The following NBEA variants were observed in gnomAD, a reference collection of about 807,000 sequenced individuals.
NBEA encodes lysosomal-trafficking regulator 2.
In NBEA, 44 loss-of-function variants were observed where a neutral mutation model predicts 343.4. That is an observed-to-expected ratio of 0.13 (90% confidence interval 0.10 to 0.16). The LOEUF is 0.16. Among genes scored for constraint, NBEA ranks in the 10% least tolerant of loss-of-function variants. The pLI, the probability that NBEA is intolerant of heterozygous loss-of-function variation, is 1.00. For missense variants in NBEA, 2,555 were observed against 3,631.3 expected, an observed-to-expected ratio of 0.70 and a Z score of 7.62; for synonymous variants, 1,175 against 1,238.7, an observed-to-expected ratio of 0.95 and a Z score of 1.08.
At chr13:35,369,575 G>A (rs2041315065) in intron 38 of NBEA, among the ~76,000 whole-genome samples, 1 of 151,754 alleles carries the variant, frequency 6.6e-6, no homozygotes, top group African/African-American at 2.4e-5. Context: ...TCAATGTTTT[G>A]TAGTTTTCCT....
At chr13:35,064,006 GT>G (rs1038349978) in intron 8 of NBEA, among the ~76,000 whole-genome samples, 13 of 151,954 alleles carry the variant, frequency 8.6e-5, no homozygotes, top group African/African-American at 3.1e-4. Context: ...AAAGAAATAA[GT>G]TTTGGCAGAG....
chr13:34,979,236 T>G (rs1322008370), intron 1 of NBEA, among the ~76,000 whole-genome samples: 1 of 151,892 alleles, frequency 6.6e-6, no homozygotes, highest in Non-Finnish European at 1.5e-5. Context: ...CATTTAAAAA[T>G]TTTCCCCTGG....
chr13:35,317,168 G>C (rs148263614), intron 36 of NBEA, among the ~76,000 whole-genome samples: 5,360 of 152,218 alleles, frequency 0.035, 140 homozygotes, highest in Non-Finnish European at 0.054. Context: ...TGGTGTTTTA[G>C]TCGTGAAGTC....
intron 45 of NBEA, among the ~76,000 whole-genome samples, chr13:35,572,339 C>T (rs1027436129): frequency 1.3e-5 from 2 of 152,126 alleles, no homozygotes; most frequent in African/African-American, 4.8e-5. Flanking sequence ...TTTCCTATTT[C>T]CCAGTCATGC....
chr13:35,391,802 A>G (rs149811880), intron 38 of NBEA, among the ~76,000 whole-genome samples: 4 of 152,198 alleles, frequency 2.6e-5, no homozygotes, highest in African/African-American at 9.6e-5. Flanking sequence ...ATTGAAAACT[A>G]TCTCTGGCAT....
intron 41 of NBEA, among the ~76,000 whole-genome samples, chr13:35,478,334 CA>C (rs777855679): frequency 5.6e-4 from 85 of 152,284 alleles, no homozygotes; most frequent in Middle Eastern, 6.8e-3. Context: ...TGGGAACACC[CA>C]AAAAACCCCT....
Position 35,670,968 on chromosome 13 carries a change from T to C in NBEA, c.8881T>C (p.Tyr2961His). The C allele has an allele frequency of 1.3e-6, 2 of 1,583,654 alleles. No homozygotes were observed. The highest frequency in any genetic ancestry group is 1.2e-5 in the South Asian group (1 of 86,402). Reference protein sequence around the residue: ...AFNIDFNRWHYEHQNRY With the variant: ...AFNIDFNRWHHEHQNRY ...TAATATAGATTTTAATCGGTGGCAT[T>C]ATGAGCATCAGAACAGATACTGAAG... The change falls in exon 59 of 59, where the codon TAT becomes CAT. Residue 2961 changes from tyrosine to histidine, a missense_variant. Around this residue, in one of 21 missense-constraint regions of NBEA, gnomAD observed 186 missense variants for 328.9 expected, o/e 0.57. Coordinates refer to ENST00000379939, the MANE Select transcript of NBEA (RefSeq NM_001385012.1).
chr13:35,554,717 G>A (rs894331700), intron 43 of NBEA, among the ~76,000 whole-genome samples: 10 of 152,024 alleles, frequency 6.6e-5, no homozygotes, highest in Non-Finnish European at 1.5e-4. Context: ...TTTTTTTCTT[G>A]TGGATTTGTG....
At position 35,164,429 on chromosome 13, in the gene NBEA, C is replaced by T. The variant is rs756898643; in HGVS notation, c.4153C>T (p.Leu1385Phe). 6.2e-7 allele frequency: 1 copy of T among 1,606,534 alleles called. No individual in the cohort carries two copies. Among genetic ancestry groups the T allele is most frequent in the African/African-American group, 1.3e-5 (1 of 74,950 alleles). The change falls in exon 24 of 59, where the codon CTC (leucine) becomes TTC (phenylalanine). Residue 1385 changes from leucine (L) to phenylalanine (F), a missense_variant. This residue lies in a region of NBEA where 69 missense variants were observed against 128.8 expected (regional missense o/e 0.54). Transcript: ENST00000379939. The stretch of plus-strand genomic sequence containing the variant: ...TATTTTTGTACATAACACAATTCAC[C>T]TCATTTCCCAAATGGTAGACAACAT... ...NIIFVHNTIH[L>F]ISQMVDNIII...
intron 34 of NBEA, among the ~76,000 whole-genome samples, chr13:35,263,001 C>G (rs927481404): frequency 2.6e-4 from 40 of 152,202 alleles, no homozygotes; most frequent in Non-Finnish European, 3.2e-4. Context: ...ACTTAAGGAA[C>G]CCTGAATAAC....
chr13:35,364,102 A>T (rs1051345791), intron 38 of NBEA, among the ~76,000 whole-genome samples: 3 of 151,954 alleles, frequency 2.0e-5, no homozygotes, highest in African/African-American at 7.2e-5. Flanking sequence ...CTACTTGTGC[A>T]TGTGATAACC....
intron 31 of NBEA, among the ~76,000 whole-genome samples, chr13:35,207,437 T>C (rs538618902): frequency 1.4e-4 from 22 of 152,118 alleles, no homozygotes; most frequent in Admixed American, 5.2e-4. Flanking sequence ...CATAAATCTA[T>C]TTGTAGATGA....
At position 35,606,586 on chromosome 13, in the gene NBEA, A is replaced by G; in HGVS notation, c.7449+8A>G. On this transcript the variant is annotated splice_region_variant and intron_variant, in intron 48 of 58. Transcript: ENST00000379939. ...GTGCGGATCAACAGGATGGTAAGAG[A>G]GATTTTGCTTTTGCTTGGGCAGTCA... 2 of 1,586,898 alleles carry G rather than the reference A, an allele frequency of 1.3e-6. No individual in the cohort carries two copies. Among genetic ancestry groups the G allele is most frequent in the Non-Finnish European group, 1.7e-6 (2 of 1,163,328 alleles).
chr13:34,974,563 T>C (rs1477239706), intron 1 of NBEA, among the ~76,000 whole-genome samples: 1 of 152,234 alleles, frequency 6.6e-6, no homozygotes, highest in Admixed American at 6.5e-5. Flanking sequence ...AGTTTGTTAC[T>C]ATCCTGTTGC....
At chr13:35,166,111 G>C (rs187559117) in intron 24 of NBEA, among the ~76,000 whole-genome samples, 2 of 151,962 alleles carry the variant, frequency 1.3e-5, no homozygotes, top group East Asian at 3.9e-4. Context: ...ATTTTTAAAA[G>C]GTTGTATTGA....
At chr13:35,583,781 G>A (rs979452763) in intron 45 of NBEA, 117 bp from the exon 46 acceptor site, 14 of 711,544 alleles carry the variant, frequency 2.0e-5, no homozygotes, top group Non-Finnish European at 2.5e-5. Context: ...ACAAAATAAT[G>A]TATTTATGCT....
At position 34,942,649 on chromosome 13, in the gene NBEA, G is replaced by T. The variant is rs1257580822; in HGVS notation, c.-172G>T. ...GATCCCCCGCCGCCTCCGCGGGGGAGAGCGCCGGAGCGGGCCGGGCTGAGG... is the reference window on the plus strand; with the variant it reads ...GATCCCCCGCCGCCTCCGCGGGGGATAGCGCCGGAGCGGGCCGGGCTGAGG... On this transcript the variant is annotated 5_prime_UTR_variant, in exon 1 of 59. Transcript: ENST00000379939. 2.7e-6 allele frequency: 1 copy of T among 373,946 alleles called. No individual in the cohort carries two copies. Among genetic ancestry groups the T allele is most frequent in the African/African-American group, 2.1e-5 (1 of 47,038 alleles). The allele number at this position is 373,946 out of a possible 1,614,324, so 23.2% of individuals were successfully genotyped here.
intron 38 of NBEA, among the ~76,000 whole-genome samples, chr13:35,392,782 G>T (rs1347923297): frequency 6.6e-6 from 1 of 152,124 alleles, no homozygotes; most frequent in African/African-American, 2.4e-5. Context: ...GAATAAATGG[G>T]ACTTTTTTTG....
At chr13:34,954,030 G>C (rs1382566931) in intron 1 of NBEA, among the ~76,000 whole-genome samples, 1 of 152,204 alleles carries the variant, frequency 6.6e-6, no homozygotes, top group Non-Finnish European at 1.5e-5. Flanking sequence ...CCTATTCATG[G>C]AAAAATTGTC....
Sources: gnomAD v4.1 joint callset for allele counts (sites outside exome capture counted in the v4.1 genomes callset) on GRCh38, gnomAD v4.1.1 for gene constraint, gnomAD v4.1.1 regional missense constraint, MANE v1.5 for transcripts, NCBI Gene and HGNC (gene_info 2026-07-23, HGNC 2026-07-21) for gene names.